Variants in USP42 observed in about 807,000 individuals in gnomAD.
The protein encoded by USP42 is ubiquitin carboxyl-terminal hydrolase 42.
Under a neutral mutation model 113.0 loss-of-function variants are expected in USP42, and 23 were observed. The observed-to-expected ratio is 0.20, with a 90% CI of 0.15 to 0.29. The LOEUF (loss-of-function observed/expected upper bound fraction) is 0.29, where lower values mean the gene tolerates loss of function less well. USP42 is among the 10% of genes least tolerant of loss of function. USP42 has a pLI of 1.00. For synonymous variants in USP42, 933 were observed against 699.0 expected (o/e 1.33, Z -5.28); for missense variants, 2,174 against 1,779.8 (o/e 1.22, Z -3.99).
intron 3 of USP42, among the ~76,000 whole-genome samples, chr7:6,122,068 G>A (rs1201739686): frequency 1.3e-5 from 2 of 151,986 alleles, no homozygotes; most frequent in African/African-American, 4.8e-5. Context: ...TTACAGTTTT[G>A]TGTTTTATTG....
At chr7:6,116,406 G>C (rs1007702848) in intron 3 of USP42, 13 of 168,826 alleles carry the variant, frequency 7.7e-5, no homozygotes, top group African/African-American at 3.1e-4. Flanking sequence ...TCAGAATTTG[G>C]AACATCCGTT....
At chr7:6,122,346 T>C (rs1403155294) in intron 3 of USP42, among the ~76,000 whole-genome samples, 1 of 150,984 alleles carries the variant, frequency 6.6e-6, no homozygotes, top group African/African-American at 2.4e-5. Flanking sequence ...AGTGCAGTGG[T>C]GTCATCATAG....
intron 3 of USP42, among the ~76,000 whole-genome samples, chr7:6,130,187 C>G (rs1219383626): frequency 1.3e-5 from 2 of 152,156 alleles, no homozygotes; most frequent in Non-Finnish European, 2.9e-5. Context: ...GACACTGAGT[C>G]TTATCTAACC....
chr7:6,159,340 C>T lies in USP42; in HGVS notation c.3944-110C>T. ...ACTGGGGAGTGGCCTCAGGCGCTCA[C>T]AGGGAACCGCAGTGACTCTGACCAT... On this transcript the variant is annotated intron_variant, in intron 16 of 17. Transcript: ENST00000306177. This position sits in a 1 kb window ranked among gnomAD's most constrained non-coding sequence, Gnocchi z 4.1. The T allele has an allele frequency of 2.7e-6, 4 of 1,475,558 alleles. No individual in the cohort carries two copies. Among genetic ancestry groups the T allele is most frequent in the Non-Finnish European group, 3.7e-6 (4 of 1,069,504 alleles). 91.4% of individuals were successfully genotyped at this position (1,475,558 alleles called of 1,614,324 possible).
Position 6,153,758 on chromosome 7 carries a change from C to T in USP42, c.2204C>T (p.Ala735Val), listed in dbSNP as rs1474908638. The change falls in exon 15 of 18, where the codon GCA becomes GTA. Residue 735 changes from alanine (A) to valine (V), a missense_variant and splice_region_variant. Coordinates refer to ENST00000306177, the MANE Select transcript of USP42 (RefSeq NM_032172.3). ...GTTTGTTTGTTTGGGGGCTGCAGTG[C>T]ACCTGGAGCAGAGAGGGGCCCTCCC... ...KLKGSTDEMS[A>V]PGAERGPPED... The T allele has an allele frequency of 6.9e-7, 1 of 1,455,340 alleles. No individual in the cohort carries two copies. Among genetic ancestry groups the T allele is most frequent in the Non-Finnish European group, 9.1e-7 (1 of 1,101,608 alleles). 90.2% of individuals were successfully genotyped at this position (1,455,340 alleles called of 1,614,324 possible).
chr7:6,124,276 T>C (rs1780399896), intron 3 of USP42, among the ~76,000 whole-genome samples: 1 of 152,086 alleles, frequency 6.6e-6, no homozygotes, highest in African/African-American at 2.4e-5. Context: ...ATTCCCTTTT[T>C]TCTTTTTTTG....
At chr7:6,140,224 T>TG (rs772588747) in intron 6 of USP42, 29 bp downstream of exon 6, 2 of 1,586,610 alleles carry the variant, frequency 1.3e-6, no homozygotes, top group Non-Finnish European at 1.7e-6. Flanking sequence ...GTTGATAAAA[T>TG]GATACACACA....
At chr7:6,144,537 C>T (rs575014674) in intron 9 of USP42, among the ~76,000 whole-genome samples, 2 of 152,250 alleles carry the variant, frequency 1.3e-5, no homozygotes, top group African/African-American at 4.8e-5. Flanking sequence ...AACTAAATAG[C>T]ATGCAAGAGA....
Position 6,154,874 on chromosome 7 carries a change from G to T in USP42, c.3320G>T (p.Arg1107Leu). ...GGCCGTAGGGGCTGCGAGCCGGCCCGGGAGAGGGAGCGGCACCGCCCCAGC... is the reference window on the plus strand; with the variant it reads ...GGCCGTAGGGGCTGCGAGCCGGCCCTGGAGAGGGAGCGGCACCGCCCCAGC... ...NRGRRGCEPARERERHRPSSP... is the reference protein window; with the variant it reads ...NRGRRGCEPALERERHRPSSP... The change falls in exon 15 of 18, where the codon CGG (arginine) becomes CTG (leucine). Residue 1107 changes from arginine (R) to leucine (L), a missense_variant. Transcript: ENST00000306177. 1.3e-6 allele frequency: 2 copies of T among 1,528,168 alleles called. No individual in the cohort carries two copies. The highest frequency in any genetic ancestry group is 1.8e-6 in the Non-Finnish European group (2 of 1,136,178). The allele number at this position is 1,528,168 out of a possible 1,614,324, so 94.7% of individuals were successfully genotyped here. A position where few individuals can be genotyped will look rare whatever the true frequency, so the allele number is the denominator to read the frequency against.
chr7:6,138,173 T>G (rs1781249318), intron 4 of USP42, among the ~76,000 whole-genome samples: 1 of 152,222 alleles, frequency 6.6e-6, no homozygotes, highest in Non-Finnish European at 1.5e-5. Context: ...AGCTAGAACA[T>G]TTTTATACAT....
At chr7:6,145,215 C>T (rs568072884) in intron 9 of USP42, among the ~76,000 whole-genome samples, 13 of 150,462 alleles carry the variant, frequency 8.6e-5, no homozygotes, top group African/African-American at 1.5e-4. Context: ...CCTGTAATCC[C>T]GGCTACTCGG....
At position 6,149,842 on chromosome 7, in the gene USP42, C is replaced by G. The variant is rs1365632244; in HGVS notation, c.1646C>G (p.Pro549Arg). The change falls in exon 13 of 18, where the codon CCT becomes CGT. Residue 549 changes from proline to arginine, a missense_variant. Physicochemically the swap from Pro to Arg is moderately radical, Grantham distance 103 (BLOSUM62 -2). Coordinates refer to ENST00000306177, the MANE Select transcript of USP42 (RefSeq NM_032172.3). ...CTTCATAGTAATTCTTTGGAGAACC[C>G]TACCAAGCCCGTTCCCTCTTCTACC... ...PNLHSNSLEN[P>R]TKPVPSSTIT... 2 of 1,613,896 alleles carry G rather than the reference C, an allele frequency of 1.2e-6. No homozygotes were observed. Among genetic ancestry groups the G allele is most frequent in the East Asian group, 2.2e-5 (1 of 44,904 alleles).
Position 6,154,946 on chromosome 7 carries a change from G to A in USP42, c.3392G>A (p.Arg1131His), listed in dbSNP as rs769657350. 5 of 1,554,178 alleles carry A rather than the reference G, an allele frequency of 3.2e-6. No homozygotes were observed. The South Asian group carries it at 4.7e-5, about 15-fold the overall frequency. ...CACGCCCTCGCCCCGCACCCCGACC[G>A]CTTCTCCCACGACAGAACTGCACTT... The part of the protein sequence containing the change: ...APHALAPHPD[R>H]FSHDRTALVA... Residue 1131 changes from arginine to histidine, a missense_variant, in exon 15 of 18, where the codon CGC becomes CAC. Coordinates refer to ENST00000306177, the MANE Select transcript of USP42 (RefSeq NM_032172.3).
intron 7 of USP42, among the ~76,000 whole-genome samples, chr7:6,142,221 CTTTTTTT>C (rs200372288): frequency 9.7e-4 from 137 of 141,616 alleles, no homozygotes; most frequent in Middle Eastern, 3.7e-3. Flanking sequence ...TTTCTTTTTT[CTTTTTTT>C]TTTTTTGAGA....
chr7:6,125,455 A>C (rs1780485153), intron 3 of USP42, among the ~76,000 whole-genome samples: 1 of 152,164 alleles, frequency 6.6e-6, no homozygotes, highest in Non-Finnish European at 1.5e-5. Flanking sequence ...ACACCACTGC[A>C]CTCCAGCCTA....
intron 3 of USP42, among the ~76,000 whole-genome samples, chr7:6,121,132 T>C (rs949694506): frequency 7.2e-5 from 11 of 152,194 alleles, no homozygotes; most frequent in African/African-American, 2.7e-4. Flanking sequence ...GTAGGTTCTT[T>C]ATTAATTTTT....
chr7:6,154,809 G>A lies in USP42; in HGVS notation c.3255G>A (p.Arg1085=), dbSNP rs1223973579. 1.3e-6 allele frequency: 2 copies of A among 1,544,952 alleles called. No individual in the cohort carries two copies. Among genetic ancestry groups the A allele is most frequent in the Non-Finnish European group, 1.7e-6 (2 of 1,144,032 alleles). Residue 1085 remains arginine (R), a synonymous_variant, in exon 15 of 18, where the codon CGG becomes CGA. Transcript: ENST00000306177. The part of the protein sequence containing the change: ...KPFHGGREHE[R]AGLHERPHKD... Reference sequence around the variant, plus strand: ...TCCACGGCGGCCGCGAGCACGAGCGGGCCGGGCTGCACGAGCGGCCGCACA... The same window carrying A: ...TCCACGGCGGCCGCGAGCACGAGCGAGCCGGGCTGCACGAGCGGCCGCACA...
chr7:6,147,541 T>C (rs556771870), intron 11 of USP42, among the ~76,000 whole-genome samples, 198 bp from the exon 12 acceptor site: 2 of 152,246 alleles, frequency 1.3e-5, no homozygotes, highest in South Asian at 4.1e-4. Context: ...TACCCAGTTA[T>C]CCTTGTTGTC....
the USP42 span, among the ~76,000 whole-genome samples, chr7:6,088,528 A>G: frequency 6.6e-6 from 1 of 151,182 alleles, no homozygotes; most frequent in Non-Finnish European, 1.5e-5. Context: ...AAGTGCTGGG[A>G]TTACAGGCAT....
Sources: allele counts gnomAD v4.1 joint callset (sites outside exome capture counted in the v4.1 genomes callset), GRCh38; gene constraint gnomAD v4.1.1; non-coding constraint Gnocchi (gnomAD v3.1); transcripts MANE v1.5; gene names NCBI Gene and HGNC (gene_info 2026-07-23, HGNC 2026-07-21).